The following LYPD6 variants were observed in gnomAD, a reference collection of about 807,000 sequenced individuals.
LYPD6 encodes LY6/PLAUR domain containing 6, also known as ly6/PLAUR domain-containing protein 6.
Under a neutral mutation model 22.7 loss-of-function variants are expected in LYPD6, and 15 were observed. The observed-to-expected ratio is 0.66, with a 90% CI of 0.44 to 1.02. The LOEUF (loss-of-function observed/expected upper bound fraction) is 1.02. LYPD6 is among the 50% of genes least tolerant of loss of function. The probability of loss-of-function intolerance (pLI) is 0.00; values close to 1 mark genes in which losing one functional copy is unlikely to be tolerated. For missense variants in LYPD6, 189 were observed against 208.4 expected (o/e 0.91, Z 0.57); for synonymous variants, 72 against 77.5 (o/e 0.93, Z 0.37).
chr2:149,479,934 C>A, the LYPD6 span, among the ~76,000 whole-genome samples: 3 of 152,118 alleles, frequency 2.0e-5, no homozygotes, highest in Non-Finnish European at 4.4e-5. Context: ...GCACTGGCCA[C>A]ATAGCCTTCC....
intron 1 of LYPD6, among the ~76,000 whole-genome samples, chr2:149,384,857 C>A (rs1373374571): frequency 6.6e-6 from 1 of 151,684 alleles, no homozygotes; most frequent in East Asian, 1.9e-4. Flanking sequence ...TTAGGTATAT[C>A]TCCTAAAACT....
At chr2:149,394,993 A>G (rs1386998121) in intron 1 of LYPD6, among the ~76,000 whole-genome samples, 1 of 152,136 alleles carries the variant, frequency 6.6e-6, no homozygotes, top group African/African-American at 2.4e-5. Flanking sequence ...TATTCTCTGT[A>G]TGTTACTTTT....
At chr2:149,367,111 C>A (rs2105073790) in intron 1 of LYPD6, among the ~76,000 whole-genome samples, 1 of 152,092 alleles carries the variant, frequency 6.6e-6, no homozygotes, top group East Asian at 1.9e-4. Context: ...TGTTGCATAA[C>A]AAATTGCCAC....
upstream of LYPD6, chr2:149,330,454 C>T (rs1411458794): frequency 3.3e-5 from 5 of 149,586 alleles, no homozygotes; most frequent in East Asian, 2.0e-4. Flanking sequence ...CTCCGCTCCC[C>T]CCGCGCGCGC....
At chr2:149,485,610 G>C in the LYPD6 span, among the ~76,000 whole-genome samples, 2 of 152,288 alleles carry the variant, frequency 1.3e-5, no homozygotes, top group East Asian at 3.9e-4. Flanking sequence ...AACCTGCTCT[G>C]TTTGTCTGAC....
At chr2:149,392,867 T>C (rs1392196923) in intron 1 of LYPD6, among the ~76,000 whole-genome samples, 1 of 151,994 alleles carries the variant, frequency 6.6e-6, no homozygotes, top group Non-Finnish European at 1.5e-5. Context: ...CTTCTAAAAA[T>C]ACAAAAAAAT....
chr2:149,345,428 T>C (rs1681236091), intron 1 of LYPD6, among the ~76,000 whole-genome samples: 1 of 150,140 alleles, frequency 6.7e-6, no homozygotes, highest in African/African-American at 2.5e-5. Flanking sequence ...GGCCTCAGCC[T>C]CCCGAGTAGC....
chr2:149,480,302 G>A, the LYPD6 span, among the ~76,000 whole-genome samples: 8 of 152,104 alleles, frequency 5.3e-5, no homozygotes, highest in East Asian at 1.9e-4. Context: ...GAGCCACCAC[G>A]CCTGGCCTCT....
the LYPD6 span, among the ~76,000 whole-genome samples, chr2:149,485,877 A>C: frequency 6.6e-6 from 1 of 152,182 alleles, no homozygotes; most frequent in East Asian, 1.9e-4. Context: ...CAAAGACACT[A>C]TGGCCTAAAG....
At chr2:149,480,690 C>T in the LYPD6 span, among the ~76,000 whole-genome samples, 1 of 152,126 alleles carries the variant, frequency 6.6e-6, no homozygotes, top group African/African-American at 2.4e-5. Flanking sequence ...CGTGCACCAC[C>T]CAGATTTCCC....
rs771361098 is a variant in LYPD6 at position 149,449,065 on chromosome 2, T to G, written c.135T>G (p.Gly45=). The change falls in exon 3 of 5, where the codon GGT becomes GGG. Residue 45 remains glycine, a synonymous_variant. Transcript: ENST00000334166. ...YLHPSTTPYP[G]GFKCFTCEKA... Reference sequence around the variant, plus strand: ...TTTTTTTAGCCACACCATATCCTGGTGGATTTAAATGTTTCACCTGTGAAA... The same window carrying G: ...TTTTTTTAGCCACACCATATCCTGGGGGATTTAAATGTTTCACCTGTGAAA... 3.7e-6 allele frequency: 6 copies of G among 1,612,996 alleles called. No homozygotes were observed. In the Admixed American group the frequency reaches 6.7e-5, roughly 18 times the overall value.
downstream of LYPD6, among the ~76,000 whole-genome samples, chr2:149,475,592 G>T (rs901079509): frequency 1.3e-5 from 2 of 152,062 alleles, no homozygotes; most frequent in Non-Finnish European, 2.9e-5. Flanking sequence ...CTATTGTCTT[G>T]CTGTTTATTA....
chr2:149,384,697 C>T (rs1682141020), intron 1 of LYPD6, among the ~76,000 whole-genome samples: 1 of 152,150 alleles, frequency 6.6e-6, no homozygotes, highest in Non-Finnish European at 1.5e-5. Context: ...TTACTCCTCT[C>T]CAGGCTCTGT....
intron 1 of LYPD6, among the ~76,000 whole-genome samples, chr2:149,364,793 C>T (rs1681630204): frequency 6.6e-6 from 1 of 152,100 alleles, no homozygotes; most frequent in Admixed American, 6.6e-5. Flanking sequence ...TACTAATTAA[C>T]ACTCCCACCA....
intron 1 of LYPD6, among the ~76,000 whole-genome samples, chr2:149,405,383 A>G (rs528198509): frequency 6.6e-6 from 1 of 152,112 alleles, no homozygotes; most frequent in Non-Finnish European, 1.5e-5. Context: ...TTTGGTTGGT[A>G]AGCTATTGAT....
At chr2:149,367,228 A>T (rs1187791554) in intron 1 of LYPD6, among the ~76,000 whole-genome samples, 2 of 152,058 alleles carry the variant, frequency 1.3e-5, no homozygotes, top group South Asian at 4.1e-4. Context: ...CAGGACAGGG[A>T]TCTCATCTGA....
At chr2:149,344,164 ATTTC>A (rs910042796) in intron 1 of LYPD6, among the ~76,000 whole-genome samples, 12 of 152,106 alleles carry the variant, frequency 7.9e-5, no homozygotes, top group African/African-American at 2.7e-4. Context: ...CTCTCCTCCT[ATTTC>A]TTTCCTAGCC....
intron 1 of LYPD6, among the ~76,000 whole-genome samples, chr2:149,349,209 A>G (rs557517607): frequency 2.6e-5 from 4 of 152,178 alleles, no homozygotes; most frequent in Admixed American, 6.5e-5. Flanking sequence ...TGGGAGCTTC[A>G]TGATCTCAGT....
At chr2:149,485,540 A>T in the LYPD6 span, among the ~76,000 whole-genome samples, 1 of 152,060 alleles carries the variant, frequency 6.6e-6, no homozygotes, top group Admixed American at 6.6e-5. Flanking sequence ...AGGGATTGGA[A>T]ACATTTTTTC....
Sources: allele counts gnomAD v4.1 joint callset (sites outside exome capture counted in the v4.1 genomes callset), GRCh38; gene constraint gnomAD v4.1.1; transcripts MANE v1.5; gene names NCBI Gene and HGNC (gene_info 2026-07-23, HGNC 2026-07-21).